Variants in FLRT2 observed in about 807,000 individuals in gnomAD.
FLRT2 encodes leucine-rich repeat transmembrane protein FLRT2.
FLRT2 carries 15 observed loss-of-function variants against 40.0 expected under a neutral mutation model. The ratio of observed to expected loss-of-function variants is 0.38; its 90% CI spans 0.25 to 0.58. The LOEUF (loss-of-function observed/expected upper bound fraction) is 0.58, where lower values mean the gene tolerates loss of function less well. Among genes scored for constraint, FLRT2 ranks in the 20% least tolerant of loss-of-function variants. The pLI is 0.71. For missense variants in FLRT2, 726 were observed against 840.0 expected (o/e 0.86, Z 1.68); for synonymous variants, 380 against 336.8 (o/e 1.13, Z -1.41).
rs35764416 is a variant in FLRT2 at position 85,636,390 on chromosome 14, G to GAAAAAAAAAAA, written c.*12901_*12911dup. ...AAAATCAAAGGTGAAGTCACCTGCA[G>GAAAAAAAAAAA]AAAAAAAAAAAAAAAAAACAAAAAA... On this transcript the variant is annotated 3_prime_UTR_variant, in exon 2 of 2. Coordinates refer to ENST00000330753, the MANE Select transcript of FLRT2 (RefSeq NM_013231.6). 8.0e-5 allele frequency: 6 copies of GAAAAAAAAAAA among 75,312 alleles called. No homozygotes were observed. The highest frequency in any genetic ancestry group is 1.9e-4 in the Admixed American group (1 of 5,218). 4.7% of individuals were successfully genotyped at this position (75,312 alleles called of 1,614,324 possible).
Position 85,622,873 on chromosome 14 carries a change from A to G in FLRT2, c.1359A>G (p.Thr453=), listed in dbSNP as rs751183866. 8 of 1,614,234 alleles carry G rather than the reference A, an allele frequency of 5.0e-6. No individual in the cohort carries two copies. The highest frequency in any genetic ancestry group is 6.8e-6 in the Non-Finnish European group (8 of 1,180,040). The change falls in exon 2 of 2, where the codon ACA becomes ACG. Residue 453 remains threonine (T), a synonymous_variant. Coordinates refer to ENST00000330753, the MANE Select transcript of FLRT2 (RefSeq NM_013231.6). The part of the protein sequence containing the change: ...SLFTVMAYKL[T]WVKMGHSLVG... The stretch of plus-strand genomic sequence containing the variant: ...TCACCGTGATGGCATACAAACTCAC[A>G]TGGGTGAAAATGGGCCACAGTTTAG...
chr14:85,543,776 C>T (rs1195453736), intron 1 of FLRT2, among the ~76,000 whole-genome samples: 1 of 152,150 alleles, frequency 6.6e-6, no homozygotes, highest in Non-Finnish European at 1.5e-5. Flanking sequence ...CGCATACTCT[C>T]CATTTGGCAA....
rs551393260 is a variant in FLRT2 at position 85,648,949 on chromosome 14, A to T, written c.*25452A>T. On this transcript the variant is annotated 3_prime_UTR_variant, in exon 2 of 2. Transcript: ENST00000330753. ...TTAAACCATGTGTGAGCAGTCACAG[A>T]ATTCACTGATCTATTATAATTTACC... 7 of 152,294 alleles carry T rather than the reference A, an allele frequency of 4.6e-5. No homozygotes were observed. The highest frequency in any genetic ancestry group is 1.4e-4 in the African/African-American group (6 of 41,580). The allele number at this position is 152,294 out of a possible 1,614,324, so 9.4% of individuals were successfully genotyped here.
At position 85,631,861 on chromosome 14, in the gene FLRT2, C is replaced by G. The variant is rs1357665875; in HGVS notation, c.*8364C>G. On this transcript the variant is annotated 3_prime_UTR_variant, in exon 2 of 2. Transcript: ENST00000330753. ...TTTTTTTTTGAGTTGGAGTCTCACT[C>G]TGTCACCAGATTGGAGTGCAGTGGC... 1 of 151,944 alleles carries G rather than the reference C, an allele frequency of 6.6e-6. No individual in the cohort carries two copies. The highest frequency in any genetic ancestry group is 1.5e-5 in the Non-Finnish European group (1 of 68,034). The allele number at this position is 151,944 out of a possible 1,614,324, so 9.4% of individuals were successfully genotyped here. A position where few individuals can be genotyped will look rare whatever the true frequency, so the allele number is the denominator to read the frequency against.
At position 85,649,031 on chromosome 14, in the gene FLRT2, A is replaced by G. The variant is rs1894371627; in HGVS notation, c.*25534A>G. 1 of 152,214 alleles carries G rather than the reference A, an allele frequency of 6.6e-6. No individual in the cohort carries two copies. The highest frequency in any genetic ancestry group is 1.9e-4 in the East Asian group (1 of 5,176). 9.4% of individuals were successfully genotyped at this position (152,214 alleles called of 1,614,324 possible). ...TATTTTGGCTACAGGGAGTGCTCCAATTTTGATACTCTCCCTGTCAATATG... is the reference window on the plus strand; with the variant it reads ...TATTTTGGCTACAGGGAGTGCTCCAGTTTTGATACTCTCCCTGTCAATATG... On this transcript the variant is annotated 3_prime_UTR_variant, in exon 2 of 2. Coordinates refer to ENST00000330753, the MANE Select transcript of FLRT2 (RefSeq NM_013231.6).
At position 85,640,453 on chromosome 14, in the gene FLRT2, T is replaced by C. The variant is rs1201469088; in HGVS notation, c.*16956T>C. 1 of 152,124 alleles carries C rather than the reference T, an allele frequency of 6.6e-6. No individual in the cohort carries two copies. Among genetic ancestry groups the C allele is most frequent in the South Asian group, 2.1e-4 (1 of 4,830 alleles). The allele number at this position is 152,124 out of a possible 1,614,324, so 9.4% of individuals were successfully genotyped here. A position where few individuals can be genotyped will look rare whatever the true frequency, so the allele number is the denominator to read the frequency against. On this transcript the variant is annotated 3_prime_UTR_variant, in exon 2 of 2. Transcript: ENST00000330753. ...CACAATATACATAGCAAGTATTAAA[T>C]ATCTTGAGAGGTTTTCTTTAATTGT...
At position 85,607,979 on chromosome 14, in the gene FLRT2, C is replaced by T. The variant is rs543836440; in HGVS notation, c.-376-13160C>T. Among the ~76,000 whole-genome samples the T allele has an allele frequency of 3.9e-5, 6 of 151,926 alleles. No individual in the cohort carries two copies. The South Asian group carries it at 1.2e-3, about 31-fold the overall frequency. ...TAGCCATCTTCTCTTCTCTTGGGTC[C>T]TCACATGGTCTTCCCTCTGTGTATG... On this transcript the variant is annotated intron_variant, in intron 1 of 1. Coordinates refer to ENST00000330753, the MANE Select transcript of FLRT2 (RefSeq NM_013231.6).
chr14:85,587,465 G>A (rs916314077), intron 1 of FLRT2, among the ~76,000 whole-genome samples: 25 of 152,064 alleles, frequency 1.6e-4, no homozygotes, highest in Non-Finnish European at 2.9e-4. Flanking sequence ...TTGTGGTTTG[G>A]CCCTCCTCAC....
intron 1 of FLRT2, among the ~76,000 whole-genome samples, chr14:85,567,536 CAT>C (rs1890681224): frequency 1.3e-5 from 2 of 151,682 alleles, no homozygotes; most frequent in South Asian, 4.2e-4. Flanking sequence ...GTACAATGCA[CAT>C]AGTTAGAGTA....
chr14:85,539,978 T>A (rs117559874), intron 1 of FLRT2, among the ~76,000 whole-genome samples: 1 of 152,312 alleles, frequency 6.6e-6, no homozygotes, highest in East Asian at 1.9e-4. Flanking sequence ...GATGAAAGTA[T>A]CCATTTTAAG....
At chr14:85,535,356 A>ACCC (rs1566713609) in intron 1 of FLRT2, among the ~76,000 whole-genome samples, 16 of 32,504 alleles carry the variant, frequency 4.9e-4, no homozygotes, top group African/African-American at 6.5e-4. Flanking sequence ...CCCCCCCCCA[A>ACCC]AAAAAAAAAA....
Position 85,636,403 on chromosome 14 carries a change from A to AC in FLRT2, c.*12906_*12907insC, listed in dbSNP as rs1555373244. ...AAGTCACCTGCAGAAAAAAAAAAAA[A>AC]AAAAACAAAAAACATTCTTATTAAT... On this transcript the variant is annotated 3_prime_UTR_variant, in exon 2 of 2. Transcript: ENST00000330753. The AC allele has an allele frequency of 9.2e-5, 12 of 130,922 alleles. No homozygotes were observed. The highest frequency in any genetic ancestry group is 1.7e-4 in the African/African-American group (6 of 34,840). The allele number at this position is 130,922 out of a possible 1,614,324, so 8.1% of individuals were successfully genotyped here.
rs532898954 is a variant in FLRT2, at chr14:85,641,362, G to T, written c.*17865G>T. ...ATTAGGTTCTACCAATTACAGGCAC[G>T]TGTGCAGGATTTTCAAGGTAGAAGT... On this transcript the variant is annotated 3_prime_UTR_variant, in exon 2 of 2. Coordinates refer to ENST00000330753, the MANE Select transcript of FLRT2 (RefSeq NM_013231.6). The T allele has an allele frequency of 6.6e-6, 1 of 152,200 alleles. No homozygotes were observed. The highest frequency in any genetic ancestry group is 1.5e-5 in the Non-Finnish European group (1 of 68,042). The allele number at this position is 152,200 out of a possible 1,614,324, so 9.4% of individuals were successfully genotyped here.
At position 85,653,710 on chromosome 14, in the gene FLRT2, T is replaced by A. The variant is rs368295406; in HGVS notation, c.*30213T>A. 1 of 152,120 alleles carries A rather than the reference T, an allele frequency of 6.6e-6. No individual in the cohort carries two copies. Among genetic ancestry groups the A allele is most frequent in the African/African-American group, 2.4e-5 (1 of 41,424 alleles). 9.4% of individuals were successfully genotyped at this position (152,120 alleles called of 1,614,324 possible). A position where few individuals can be genotyped will look rare whatever the true frequency, so the allele number is the denominator to read the frequency against. ...CACTCAGCCACAGAGTCACTTTGGT[T>A]GTGTCACTTAACCTCTGTGCTCTTC... is the stretch of plus-strand genomic sequence containing the variant. On this transcript the variant is annotated 3_prime_UTR_variant, in exon 2 of 2. Transcript: ENST00000330753.
At chr14:85,616,758 C>G (rs920349454) in intron 1 of FLRT2, among the ~76,000 whole-genome samples, 1 of 152,142 alleles carries the variant, frequency 6.6e-6, no homozygotes, top group African/African-American at 2.4e-5. Flanking sequence ...ACATAGAACC[C>G]TAATTCCCTG....
At chr14:85,546,616 G>T (rs539010732) in intron 1 of FLRT2, among the ~76,000 whole-genome samples, 3 of 152,152 alleles carry the variant, frequency 2.0e-5, no homozygotes, top group Admixed American at 6.5e-5. Flanking sequence ...GGGTAGAACC[G>T]AAACGCTTGC....
chr14:85,576,455 A>G (rs1050016467), intron 1 of FLRT2, among the ~76,000 whole-genome samples: 1 of 152,178 alleles, frequency 6.6e-6, no homozygotes, highest in African/African-American at 2.4e-5. Flanking sequence ...GTGCTAAACC[A>G]TTACCATTGT....
chr14:85,575,107 A>C (rs1891071095), intron 1 of FLRT2, among the ~76,000 whole-genome samples: 1 of 152,178 alleles, frequency 6.6e-6, no homozygotes, highest in African/African-American at 2.4e-5. Flanking sequence ...TTTGGCTTTT[A>C]TTTAATAAGT....
chr14:85,605,529 G>A (rs889207853), intron 1 of FLRT2, among the ~76,000 whole-genome samples: 1 of 152,210 alleles, frequency 6.6e-6, no homozygotes, highest in African/African-American at 2.4e-5. Flanking sequence ...CCAGCACTTT[G>A]GGAGGCCGAG....
Sources: gnomAD v4.1 joint callset for allele counts (sites outside exome capture counted in the v4.1 genomes callset) on GRCh38, gnomAD v4.1.1 for gene constraint, MANE v1.5 for transcripts, NCBI Gene and HGNC (gene_info 2026-07-23, HGNC 2026-07-21) for gene names.